TESC: variants seen among roughly 807,000 people sequenced by gnomAD.
TESC encodes calcineurin B homologous protein 3.
TESC carries 19 observed loss-of-function variants against 31.0 expected under a neutral mutation model. The observed-to-expected ratio is 0.61, with a 90% CI of 0.43 to 0.90. The LOEUF (loss-of-function observed/expected upper bound fraction) is 0.90. Among genes scored for constraint, TESC ranks in the 40% least tolerant of loss-of-function variants. The probability of loss-of-function intolerance (pLI) is 0.00; values close to 1 mark genes in which losing one functional copy is unlikely to be tolerated. For missense variants in TESC, 248 were observed against 303.8 expected, an observed-to-expected ratio of 0.82 and a Z score of 1.36; for synonymous variants, 109 against 114.8, an observed-to-expected ratio of 0.95 and a Z score of 0.32.
At chr12:117,044,150 G>A (rs979207339) in intron 6 of TESC, among the ~76,000 whole-genome samples, 1 of 152,128 alleles carries the variant, frequency 6.6e-6, no homozygotes, top group Non-Finnish European at 1.5e-5. Flanking sequence ...TGTAGTCCCA[G>A]CTGCTCCAGA....
At chr12:117,040,309 G>A (rs1954463434) in intron 7 of TESC, among the ~76,000 whole-genome samples, 1 of 152,180 alleles carries the variant, frequency 6.6e-6, no homozygotes, top group Non-Finnish European at 1.5e-5. Context: ...CACTCACGGT[G>A]GTTTCTGCTA....
chr12:117,069,343 G>A (rs550121173), intron 2 of TESC, among the ~76,000 whole-genome samples: 5 of 152,198 alleles, frequency 3.3e-5, no homozygotes, highest in South Asian at 2.1e-4. Context: ...ATGTTCAAGC[G>A]ATTCTCCTGC....
chr12:117,070,027 C>T (rs950234158), intron 2 of TESC, among the ~76,000 whole-genome samples: 4 of 152,218 alleles, frequency 2.6e-5, no homozygotes, highest in African/African-American at 9.6e-5. Context: ...GGGGCCTTCA[C>T]TAGGGAACCC....
At chr12:117,067,892 A>G (rs1954909430) in intron 2 of TESC, among the ~76,000 whole-genome samples, 1 of 151,842 alleles carries the variant, frequency 6.6e-6, no homozygotes, top group Admixed American at 6.6e-5. Context: ...TCTGCTCACA[A>G]CCCCGTGCTT....
intron 2 of TESC, among the ~76,000 whole-genome samples, chr12:117,064,407 G>A (rs144132226): frequency 3.9e-5 from 6 of 152,282 alleles, no homozygotes; most frequent in Admixed American, 1.3e-4. Flanking sequence ...GCTGGACAAC[G>A]TCGCCAAGAC....
At chr12:117,051,869 A>G (rs760386709) in intron 3 of TESC, among the ~76,000 whole-genome samples, 27 of 152,180 alleles carry the variant, frequency 1.8e-4, no homozygotes, top group Admixed American at 7.2e-4. Flanking sequence ...GCCAGTGCCA[A>G]AGAAACCCAG....
chr12:117,050,694 A>G (rs1482134473), intron 3 of TESC, among the ~76,000 whole-genome samples: 1 of 152,186 alleles, frequency 6.6e-6, no homozygotes, highest in Non-Finnish European at 1.5e-5. Flanking sequence ...GCACTTTGGG[A>G]GACTGAGGCA....
At chr12:117,093,690 G>A (rs11068329) in intron 1 of TESC, among the ~76,000 whole-genome samples, 6 of 152,320 alleles carry the variant, frequency 3.9e-5, no homozygotes, top group Admixed American at 6.5e-5. Flanking sequence ...CTGCGGATAC[G>A]CTGCCTGGCT....
In TESC at chr12:117,082,720, G is replaced by A. The variant is rs140800454; in HGVS notation, c.59-7380C>T. Among the ~76,000 whole-genome samples, 12 of 152,214 alleles carry A rather than the reference G, an allele frequency of 7.9e-5. No individual in the cohort carries two copies. The East Asian group carries it at 2.3e-3, about 29-fold the overall frequency. On this transcript the variant is annotated intron_variant, in intron 1 of 7. Transcript: ENST00000335209. ...AAAGTTCATATTGATATACACATGT[G>A]CACAAGAAAAAATAGAAAAGGGTAT...
chr12:117,057,505 C>T (rs1042873185), intron 2 of TESC, among the ~76,000 whole-genome samples: 4 of 152,130 alleles, frequency 2.6e-5, no homozygotes, highest in African/African-American at 9.7e-5. Context: ...CTGCCTGAAG[C>T]CCATCCTCAA....
At chr12:117,092,637 G>C (rs1389812911) in intron 1 of TESC, among the ~76,000 whole-genome samples, 1 of 152,096 alleles carries the variant, frequency 6.6e-6, no homozygotes, top group African/African-American at 2.4e-5. Flanking sequence ...CCTTCCCCCT[G>C]GTTTCACGGA....
chr12:117,044,695 C>T (rs1954531534), intron 6 of TESC, among the ~76,000 whole-genome samples: 1 of 152,166 alleles, frequency 6.6e-6, no homozygotes, highest in Non-Finnish European at 1.5e-5. Flanking sequence ...GTCAGGAGTT[C>T]GAGACCAGCT....
At chr12:117,058,270 C>T (rs192609447) in intron 2 of TESC, among the ~76,000 whole-genome samples, 96 of 152,110 alleles carry the variant, frequency 6.3e-4, no homozygotes, top group African/African-American at 2.1e-3. Flanking sequence ...ACCCATTATG[C>T]TAAGTGAAAG....
At chr12:117,048,918 G>T (rs1954606726) in intron 4 of TESC, 101 bp downstream of exon 4, 1 of 1,572,756 alleles carries the variant, frequency 6.4e-7, no homozygotes, top group South Asian at 1.2e-5. Flanking sequence ...CCAAGCCAAT[G>T]CACACCCAGC....
chr12:117,087,205 T>G (rs1955229211), intron 1 of TESC, among the ~76,000 whole-genome samples: 1 of 152,214 alleles, frequency 6.6e-6, no homozygotes, highest in African/African-American at 2.4e-5. Flanking sequence ...AAAGATGCAT[T>G]TGGGTGCACT....
At chr12:117,044,207 T>G (rs1046133833) in intron 6 of TESC, among the ~76,000 whole-genome samples, 1 of 152,034 alleles carries the variant, frequency 6.6e-6, no homozygotes, top group African/African-American at 2.4e-5. Flanking sequence ...GAAGCCGTAG[T>G]GAGCTATGAT....
chr12:117,078,476 C>CA (rs1418156745), intron 1 of TESC, among the ~76,000 whole-genome samples: 3 of 151,904 alleles, frequency 2.0e-5, no homozygotes, highest in African/African-American at 7.3e-5. Context: ...AAAAAAAAAG[C>CA]AAAAAACAGA....
At chr12:117,075,508 G>T (rs1221145719) in intron 1 of TESC, among the ~76,000 whole-genome samples, 168 bp from the exon 2 acceptor site, 2 of 152,056 alleles carry the variant, frequency 1.3e-5, no homozygotes, top group Non-Finnish European at 2.9e-5. Flanking sequence ...GCAGAGAAAG[G>T]ATTTCCCGTT....
At chr12:117,097,211 C>T (rs1194219547) in intron 1 of TESC, among the ~76,000 whole-genome samples, 5 of 152,224 alleles carry the variant, frequency 3.3e-5, no homozygotes, top group African/African-American at 1.2e-4. Flanking sequence ...CTACTCTAGT[C>T]TAACCTCAGA....
Sources: gnomAD v4.1 joint callset for allele counts (sites outside exome capture counted in the v4.1 genomes callset) on GRCh38, gnomAD v4.1.1 for gene constraint, MANE v1.5 for transcripts, NCBI Gene and HGNC (gene_info 2026-07-23, HGNC 2026-07-21) for gene names.